DLST: variants seen among roughly 807,000 people sequenced by gnomAD.
The protein encoded by DLST is dihydrolipoyllysine-residue succinyltransferase component of 2-oxoglutarate dehydrogenase complex, mitochondrial.
In DLST, 17 loss-of-function variants were observed where a neutral mutation model predicts 53.1. The ratio of observed to expected loss-of-function variants is 0.32; its 90% CI spans 0.22 to 0.48. DLST has a LOEUF of 0.48. Ranked by LOEUF, DLST falls within the 20% of genes least tolerant of loss-of-function variation. The probability of loss-of-function intolerance (pLI) is 0.99; values close to 1 mark genes in which losing one functional copy is unlikely to be tolerated. For synonymous variants in DLST, 206 were observed against 204.8 expected (o/e 1.01, Z -0.05); for missense variants, 512 against 583.9 (o/e 0.88, Z 1.27).
chr14:74,888,987 C>T (rs1430899379), intron 3 of DLST, 108 bp from the exon 4 acceptor site: 2 of 1,118,310 alleles, frequency 1.8e-6, no homozygotes, highest in Non-Finnish European at 2.7e-6. Context: ...ATGGACACCC[C>T]TGGTCAAGAG....
In DLST at chr14:74,881,939, G is replaced by C. The variant is rs762839771; in HGVS notation, c.-15G>C. On this transcript the variant is annotated 5_prime_UTR_variant, in exon 1 of 15. Coordinates refer to ENST00000334220, the MANE Select transcript of DLST (RefSeq NM_001933.5). ...CTATATCCGGTGTCCGCCCGCCCTC[G>C]GCTCCTCCGCCGTGATGCTGTCCCG... 1 of 1,538,568 alleles carries C rather than the reference G, an allele frequency of 6.5e-7. No individual in the cohort carries two copies. The highest frequency in any genetic ancestry group is 2.5e-5 in the East Asian group (1 of 39,356).
At chr14:74,882,099 C>T (rs1434502006) in intron 1 of DLST, 83 bp downstream of exon 1, 2 of 1,282,300 alleles carry the variant, frequency 1.6e-6, no homozygotes, top group Admixed American at 3.6e-5. Context: ...AGGGGCGCGG[C>T]GCGCCGGCCG....
chr14:74,882,008 T>G lies in DLST; in HGVS notation c.55T>G (p.Phe19Val). 1.3e-6 allele frequency: 2 copies of G among 1,571,320 alleles called. No homozygotes were observed. Among genetic ancestry groups the G allele is most frequent in the Non-Finnish European group, 8.6e-7 (1 of 1,166,938 alleles). ...GGCGTTCAGCCGCTCGCTCTCCGCC[T>G]TCCAGAAGGTACGGTCTGGCCGAGC... ...SRAFSRSLSA[F>V]QKGNCPLGRR... Residue 19 changes from phenylalanine to valine, a missense_variant, in exon 1 of 15, where the codon TTC (phenylalanine) becomes GTC (valine). Transcript: ENST00000334220.
chr14:74,890,487 G>A (rs538569753), intron 6 of DLST, among the ~76,000 whole-genome samples: 2 of 152,212 alleles, frequency 1.3e-5, no homozygotes, highest in East Asian at 1.9e-4. Flanking sequence ...GTCTTGTAGT[G>A]TGTGGTGAGG....
chr14:74,890,034 GT>G, intron 6 of DLST, 82 bp downstream of exon 6: 2 of 1,102,708 alleles, frequency 1.8e-6, no homozygotes, highest in Non-Finnish European at 2.5e-6. Context: ...CTTAACCATT[GT>G]TTAGAGATAA....
rs1169533757 is a variant in DLST at position 74,901,080 on chromosome 14, A to G, written c.1074A>G (p.Glu358=). The change falls in exon 14 of 15, where the codon GAA becomes GAG. Residue 358 remains glutamate (E), a synonymous_variant. Coordinates refer to ENST00000334220, the MANE Select transcript of DLST (RefSeq NM_001933.5). ...TCTGTTTTTAGGCCCGAAAGAATGAACTTGCCATTGAAGATATGGATGGCG... is the reference window on the plus strand; with the variant it reads ...TCTGTTTTTAGGCCCGAAAGAATGAGCTTGCCATTGAAGATATGGATGGCG... The part of the protein sequence containing the change: ...TELGEKARKN[E]LAIEDMDGGT... The G allele has an allele frequency of 6.2e-7, 1 of 1,613,460 alleles. No homozygotes were observed.
At chr14:74,898,224 AG>A (rs1884132249) in intron 10 of DLST, 144 bp from the exon 11 acceptor site, 4 of 998,686 alleles carry the variant, frequency 4.0e-6, no homozygotes, top group Non-Finnish European at 5.8e-6. Context: ...TGTTAACCTC[AG>A]GTAGACTATT....
Position 74,902,757 on chromosome 14 carries a change from C to G in DLST, c.*427C>G, listed in dbSNP as rs893074131. The G allele has an allele frequency of 6.5e-6, 1 of 154,268 alleles. No homozygotes were observed. Among genetic ancestry groups the G allele is most frequent in the African/African-American group, 2.4e-5 (1 of 41,524 alleles). The allele number at this position is 154,268 out of a possible 1,614,324, so 9.6% of individuals were successfully genotyped here. On this transcript the variant is annotated 3_prime_UTR_variant, in exon 15 of 15. Transcript: ENST00000334220. Reference sequence around the variant, plus strand: ...AGGAGGATGCTGTGCCTCCCAAGCTCAGAGCAGCCTCTGTCCTGGCTGTGC... The same window carrying G: ...AGGAGGATGCTGTGCCTCCCAAGCTGAGAGCAGCCTCTGTCCTGGCTGTGC...
chr14:74,893,572 A>G, intron 9 of DLST, 148 bp downstream of exon 9: 1 of 798,700 alleles, frequency 1.3e-6, no homozygotes, highest in Middle Eastern at 2.5e-4. Context: ...ACTTCTTCAT[A>G]GTCACATAAC....
At chr14:74,896,705 A>G (rs1884086692) in intron 10 of DLST, among the ~76,000 whole-genome samples, 2 of 152,242 alleles carry the variant, frequency 1.3e-5, no homozygotes, top group African/African-American at 4.8e-5. Flanking sequence ...CAAAGGCTGC[A>G]GCTTATGTTT....
chr14:74,885,316 T>C (rs747023122), intron 2 of DLST, among the ~76,000 whole-genome samples: 7 of 152,172 alleles, frequency 4.6e-5, no homozygotes, highest in Non-Finnish European at 7.3e-5. Context: ...TAGATGAGAT[T>C]ATATAATCAC....
Position 74,885,645 on chromosome 14 carries a change from CTG to C in DLST, c.146+12_146+13del. 6.2e-7 allele frequency: 1 copy of C among 1,609,238 alleles called. No individual in the cohort carries two copies. Among genetic ancestry groups the C allele is most frequent in the South Asian group, 1.1e-5 (1 of 90,356 alleles). On this transcript the variant is annotated intron_variant, in intron 3 of 14. Transcript: ENST00000334220. ...CAGCAGGAAGGTTGTGTAAGTATCA[CTG>C]GGGAGTACAGATATGTGGCCACGGG...
At chr14:74,885,796 G>C in intron 3 of DLST, 162 bp downstream of exon 3, 1 of 647,494 alleles carries the variant, frequency 1.5e-6, no homozygotes, top group Non-Finnish European at 2.6e-6. Context: ...CTTTTCCCAT[G>C]TGATGTTCCT....
chr14:74,902,224 C>A lies in DLST; in HGVS notation c.1256C>A (p.Ala419Glu), dbSNP rs1277355884. ...GAGGTGCGGCCCATGATGTACGTGG[C>A]ACTGACCTATGATCACCGGCTGATT... ...KVEVRPMMYVALTYDHRLIDG... is the reference protein window; with the variant it reads ...KVEVRPMMYVELTYDHRLIDG... The change falls in exon 15 of 15, where the codon GCA becomes GAA. Residue 419 changes from alanine to glutamate, a missense_variant. Ala to Glu is a moderately radical substitution (Grantham distance 107, BLOSUM62 -1). This residue lies in a region of DLST where 186 missense variants were observed against 260.4 expected (regional missense o/e 0.71). Transcript: ENST00000334220. 6.2e-7 allele frequency: 1 copy of A among 1,610,434 alleles called. No individual in the cohort carries two copies. The highest frequency in any genetic ancestry group is 1.3e-5 in the African/African-American group (1 of 74,862).
At chr14:74,893,199 C>A in intron 8 of DLST, 149 bp from the exon 9 acceptor site, 1 of 1,047,120 alleles carries the variant, frequency 9.5e-7, no homozygotes, top group Non-Finnish European at 1.4e-6. Flanking sequence ...TTTATCTGAA[C>A]AGATTGTTCA....
chr14:74,882,072 G>C (rs1006942267), intron 1 of DLST, 56 bp downstream of exon 1: 23 of 1,426,616 alleles, frequency 1.6e-5, no homozygotes, highest in Non-Finnish European at 2.0e-5. Context: ...GGCGGGCAGA[G>C]AGGCGGCCTG....
chr14:74,889,798 A>G, intron 5 of DLST, 99 bp from the exon 6 acceptor site: 1 of 1,140,190 alleles, frequency 8.8e-7, no homozygotes, highest in Non-Finnish European at 1.3e-6. Context: ...CTGGCCCTGT[A>G]GGAAAGGGTT....
chr14:74,889,195 AT>A (rs755023041), intron 4 of DLST, 48 bp downstream of exon 4: 3 of 1,610,232 alleles, frequency 1.9e-6, no homozygotes, highest in Non-Finnish European at 2.5e-6. Flanking sequence ...AAGAGCAACA[AT>A]TGATTGAGTT....
intron 12 of DLST, 139 bp downstream of exon 12, chr14:74,900,135 T>A: frequency 9.2e-7 from 1 of 1,084,256 alleles, no homozygotes; most frequent in Non-Finnish European, 1.4e-6. Context: ...TTTTTTCTTT[T>A]AAACCATGCC....
Sources: allele counts gnomAD v4.1 joint callset (sites outside exome capture counted in the v4.1 genomes callset), GRCh38; gene constraint gnomAD v4.1.1; regional missense constraint gnomAD v4.1.1; transcripts MANE v1.5; gene names NCBI Gene and HGNC (gene_info 2026-07-23, HGNC 2026-07-21).